Variants in FRYL observed in about 807,000 individuals in gnomAD.
FRYL encodes protein furry homolog-like.
Under a neutral mutation model 351.2 loss-of-function variants are expected in FRYL, and 150 were observed. The observed-to-expected ratio is 0.43, with a 90% CI of 0.37 to 0.49. The LOEUF (loss-of-function observed/expected upper bound fraction) is 0.49, where lower values mean the gene tolerates loss of function less well. FRYL is among the 20% of genes least tolerant of loss of function. The probability of loss-of-function intolerance (pLI) is 0.00; values close to 1 mark genes in which losing one functional copy is unlikely to be tolerated. For synonymous variants in FRYL, 1,153 were observed against 1,257.1 expected, an observed-to-expected ratio of 0.92 and a Z score of 1.75; for missense variants, 3,036 against 3,619.3, an observed-to-expected ratio of 0.84 and a Z score of 4.13.
intron 16 of FRYL, among the ~76,000 whole-genome samples, chr4:48,592,082 T>TTATACATATATATATATA (rs1743415245): frequency 8.6e-6 from 1 of 116,178 alleles, no homozygotes; most frequent in South Asian, 2.9e-4. Context: ...AATAAAGCTC[T>TTATACATATATATATATA]TATATATATA....
chr4:48,694,473 T>C (rs1765962784), intron 2 of FRYL, among the ~76,000 whole-genome samples: 1 of 152,000 alleles, frequency 6.6e-6, no homozygotes, highest in Non-Finnish European at 1.5e-5. Context: ...CGTTTTGTAT[T>C]TTTAGGAGAG....
intron 33 of FRYL, among the ~76,000 whole-genome samples, chr4:48,561,176 C>T (rs1735429939): frequency 6.6e-6 from 1 of 152,152 alleles, no homozygotes. Context: ...CTAAGAAATA[C>T]TTTTAAGTCA....
intron 1 of FRYL, among the ~76,000 whole-genome samples, chr4:48,727,237 C>T (rs190462267): frequency 1.8e-4 from 27 of 152,198 alleles, no homozygotes; most frequent in Admixed American, 5.9e-4. Context: ...GAAGAGACGT[C>T]TGGTTTCTGA....
intron 3 of FRYL, among the ~76,000 whole-genome samples, chr4:48,648,845 G>A (rs1268624440): frequency 6.6e-6 from 1 of 152,174 alleles, no homozygotes; most frequent in Non-Finnish European, 1.5e-5. Context: ...GTAGAATAAT[G>A]AGTATGAGGT....
intron 4 of FRYL, among the ~76,000 whole-genome samples, chr4:48,630,841 ACC>A (rs1264259211): frequency 6.6e-6 from 1 of 152,166 alleles, no homozygotes; most frequent in African/African-American, 2.4e-5. Context: ...GAAACCTACT[ACC>A]TGACTGACCA....
intron 18 of FRYL, among the ~76,000 whole-genome samples, chr4:48,588,390 C>T (rs1047538355): frequency 2.6e-5 from 4 of 152,124 alleles, no homozygotes; most frequent in Non-Finnish European, 5.9e-5. Flanking sequence ...CAGTTCTACA[C>T]CCCACTCCAT....
chr4:48,703,303 G>C (rs1363202005), intron 2 of FRYL, among the ~76,000 whole-genome samples: 1 of 152,080 alleles, frequency 6.6e-6, no homozygotes, highest in Non-Finnish European at 1.5e-5. Context: ...TCCTGAATTA[G>C]AACTGAAAGA....
intron 55 of FRYL, among the ~76,000 whole-genome samples, chr4:48,519,429 T>C (rs760125625): frequency 2.0e-5 from 3 of 152,092 alleles, no homozygotes; most frequent in Non-Finnish European, 4.4e-5. Context: ...CTGATCACTT[T>C]CCTCTCAGTT....
intron 1 of FRYL, among the ~76,000 whole-genome samples, chr4:48,720,491 C>A (rs1228892497): frequency 6.6e-6 from 1 of 151,876 alleles, no homozygotes; most frequent in African/African-American, 2.4e-5. Flanking sequence ...GAGCAAGACT[C>A]CATCTCAAAA....
chr4:48,670,554 G>T (rs944070597), intron 3 of FRYL, among the ~76,000 whole-genome samples: 7 of 150,302 alleles, frequency 4.7e-5, no homozygotes, highest in Admixed American at 2.0e-4. Context: ...TACTATTTTT[G>T]TAACTATTGA....
chr4:48,758,381 CAAGAAA>C (rs2109359069), intron 1 of FRYL, among the ~76,000 whole-genome samples: 1 of 152,190 alleles, frequency 6.6e-6, no homozygotes, highest in African/African-American at 2.4e-5. Flanking sequence ...AACAAATTTA[CAAGAAA>C]AAATCAAACA....
intron 3 of FRYL, 100 bp from the exon 4 acceptor site, chr4:48,634,590 A>G (rs554419713): frequency 2.6e-6 from 2 of 775,544 alleles, no homozygotes; most frequent in Admixed American, 2.7e-5. Context: ...CTAACCCTCA[A>G]CCAGTTCTCC....
In FRYL at chr4:48,535,792, A is replaced by T; in HGVS notation, c.6429T>A (p.Asn2143Lys). The T allele has an allele frequency of 6.4e-7, 1 of 1,566,348 alleles. No homozygotes were observed. Among genetic ancestry groups the T allele is most frequent in the South Asian group, 1.2e-5 (1 of 81,764 alleles). ...CAEEKCPTLVNLAHMMSLYST... is the reference protein window; with the variant it reads ...CAEEKCPTLVKLAHMMSLYST... ...TGTACAAACTCATCATGTGTGCCAG[A>T]TTGACAAGTGTTGGGCATTTTTCTT... The change falls in exon 48 of 64, where the codon AAT (asparagine) becomes AAA (lysine). Residue 2143 changes from asparagine to lysine, a missense_variant. This residue lies in a region of FRYL where 1,987 missense variants were observed against 2,311.7 expected (regional missense o/e 0.86). Coordinates refer to ENST00000358350, the MANE Select transcript of FRYL (RefSeq NM_015030.2).
In FRYL at chr4:48,562,993, GAATAAATTTTACATATT is replaced by G; in HGVS notation, c.3597-22_3597-6del. The G allele has an allele frequency of 6.5e-7, 1 of 1,538,584 alleles. No individual in the cohort carries two copies. Among genetic ancestry groups the G allele is most frequent in the Non-Finnish European group, 8.9e-7 (1 of 1,118,022 alleles). On this transcript the variant is annotated splice_polypyrimidine_tract_variant and splice_region_variant and intron_variant, in intron 31 of 63. Transcript: ENST00000358350. ...ACTGTGTCACATTGATAATCCCTAG[GAATAAATTTTACATATT>G]AAGTAAATAACAATGTTTAGAGGCT...
At chr4:48,670,511 A>G (rs932836206) in intron 3 of FRYL, among the ~76,000 whole-genome samples, 6 of 151,668 alleles carry the variant, frequency 4.0e-5, no homozygotes, top group African/African-American at 1.5e-4. Context: ...CTGTGCTAGC[A>G]AATACTAGAT....
chr4:48,641,050 A>G (rs1676653144), intron 3 of FRYL, among the ~76,000 whole-genome samples: 1 of 152,194 alleles, frequency 6.6e-6, no homozygotes, highest in East Asian at 1.9e-4. Context: ...CAAAATCAGT[A>G]TTGGGGAATA....
intron 4 of FRYL, among the ~76,000 whole-genome samples, chr4:48,624,817 A>G (rs1361477690): frequency 6.6e-6 from 1 of 152,196 alleles, no homozygotes; most frequent in East Asian, 1.9e-4. Context: ...CTATGTGGGT[A>G]GGTTTCATCC....
intron 2 of FRYL, among the ~76,000 whole-genome samples, chr4:48,687,316 T>C (rs1161611257): frequency 1.3e-5 from 2 of 152,098 alleles, no homozygotes; most frequent in Admixed American, 1.3e-4. Flanking sequence ...AAAACGGACA[T>C]CAGTTGGTAT....
intron 3 of FRYL, among the ~76,000 whole-genome samples, chr4:48,667,212 C>A (rs776672371): frequency 4.6e-5 from 7 of 152,094 alleles, no homozygotes; most frequent in Non-Finnish European, 1.0e-4. Flanking sequence ...GAGTGGAAGG[C>A]ATGTAGGTAT....
Sources: allele counts gnomAD v4.1 joint callset (sites outside exome capture counted in the v4.1 genomes callset), GRCh38; gene constraint gnomAD v4.1.1; regional missense constraint gnomAD v4.1.1; transcripts MANE v1.5; gene names NCBI Gene and HGNC (gene_info 2026-07-23, HGNC 2026-07-21).